The following CLYBL variants were observed in gnomAD, a reference collection of about 807,000 sequenced individuals.
CLYBL encodes citramalyl-CoA lyase, also known as citramalyl-CoA lyase, mitochondrial.
A neutral mutation model predicts 38.9 loss-of-function variants in CLYBL; 31 were observed. That is an observed-to-expected ratio of 0.80 (90% CI 0.60 to 1.08). CLYBL has a LOEUF of 1.08. Ranked by LOEUF, CLYBL falls within the 50% of genes least tolerant of loss-of-function variation. The pLI is 0.00. For synonymous variants in CLYBL, 171 were observed against 158.6 expected, an observed-to-expected ratio of 1.08 and a Z score of -0.59; for missense variants, 434 against 411.6, an observed-to-expected ratio of 1.05 and a Z score of -0.47.
intron 1 of CLYBL, among the ~76,000 whole-genome samples, chr13:99,703,277 A>T (rs1401656512): frequency 6.6e-6 from 1 of 152,090 alleles, no homozygotes; most frequent in East Asian, 1.9e-4. Flanking sequence ...AATTTAAGTG[A>T]CCATAGCTTC....
intron 1 of CLYBL, among the ~76,000 whole-genome samples, chr13:99,639,487 G>A (rs146376425): frequency 5.6e-4 from 85 of 152,290 alleles, no homozygotes; most frequent in African/African-American, 2.0e-3. Context: ...GGAGTGCTCC[G>A]ATGGTTTAGC....
chr13:99,712,512 T>C (rs1566297961), intron 1 of CLYBL, among the ~76,000 whole-genome samples: 1 of 150,580 alleles, frequency 6.6e-6, no homozygotes, highest in Admixed American at 6.7e-5. Context: ...TTTTTGTTTT[T>C]TTGAGTTTTT....
chr13:99,884,612 T>C (rs954996675), intron 7 of CLYBL, among the ~76,000 whole-genome samples: 2 of 152,248 alleles, frequency 1.3e-5, no homozygotes, highest in African/African-American at 4.8e-5. Context: ...TTCCCGCCAT[T>C]AGACTGGAAG....
intron 1 of CLYBL, among the ~76,000 whole-genome samples, chr13:99,770,870 T>C (rs747294005): frequency 6.6e-6 from 1 of 151,902 alleles, no homozygotes; most frequent in Non-Finnish European, 1.5e-5. Context: ...TACAGGTGTG[T>C]GCCACCACAC....
intron 2 of CLYBL, among the ~76,000 whole-genome samples, chr13:99,796,348 C>T (rs539061178): frequency 5.9e-5 from 9 of 152,284 alleles, no homozygotes; most frequent in African/African-American, 1.7e-4. Flanking sequence ...CAGTTCCCCA[C>T]CATAGTTCCT....
At chr13:99,724,540 A>T (rs2048441375) in intron 1 of CLYBL, among the ~76,000 whole-genome samples, 1 of 152,014 alleles carries the variant, frequency 6.6e-6, no homozygotes, top group Non-Finnish European at 1.5e-5. Context: ...AAGATGAAAA[A>T]AAAAAAAAGA....
chr13:99,654,756 A>G (rs771879125), intron 1 of CLYBL, among the ~76,000 whole-genome samples: 23 of 152,166 alleles, frequency 1.5e-4, no homozygotes, highest in Admixed American at 5.9e-4. Flanking sequence ...CTGTAATCCC[A>G]ACACTCTGGG....
intron 2 of CLYBL, among the ~76,000 whole-genome samples, chr13:99,787,908 C>A (rs963604027): frequency 2.0e-5 from 3 of 152,184 alleles, no homozygotes; most frequent in African/African-American, 7.2e-5. Flanking sequence ...TTAAAGAGGT[C>A]CTTCACTTCC....
At chr13:99,734,571 G>A (rs1425129827) in intron 1 of CLYBL, among the ~76,000 whole-genome samples, 1 of 152,076 alleles carries the variant, frequency 6.6e-6, no homozygotes, top group African/African-American at 2.4e-5. Context: ...AATAACCAGG[G>A]CCCATACACG....
chr13:99,734,579 A>C (rs1008996041), intron 1 of CLYBL, among the ~76,000 whole-genome samples: 2 of 152,162 alleles, frequency 1.3e-5, no homozygotes, highest in Non-Finnish European at 2.9e-5. Context: ...GGGCCCATAC[A>C]CGGGGCTGGG....
At chr13:99,610,931 T>C (rs2046616595) in intron 1 of CLYBL, among the ~76,000 whole-genome samples, 1 of 152,250 alleles carries the variant, frequency 6.6e-6, no homozygotes, top group African/African-American at 2.4e-5. Flanking sequence ...GGGAAAATAC[T>C]GTTCCCACTG....
chr13:99,902,132 TTATAACAG>T (rs2052650861), downstream of CLYBL, among the ~76,000 whole-genome samples: 1 of 152,208 alleles, frequency 6.6e-6, no homozygotes, highest in Non-Finnish European at 1.5e-5. Flanking sequence ...AGTGTACCTT[TTATAACAG>T]TATAAACTCA....
chr13:99,744,097 C>T (rs1176417932), intron 1 of CLYBL, among the ~76,000 whole-genome samples: 2 of 151,740 alleles, frequency 1.3e-5, no homozygotes, highest in Non-Finnish European at 1.5e-5. Context: ...CTCAGCCTCC[C>T]GAGTAGCTGG....
At chr13:99,708,388 C>T (rs529266661) in intron 1 of CLYBL, among the ~76,000 whole-genome samples, 1 of 152,260 alleles carries the variant, frequency 6.6e-6, no homozygotes, top group African/African-American at 2.4e-5. Flanking sequence ...TTCACTCACT[C>T]ACTTGGCCAT....
rs140688368 is a variant in CLYBL at position 99,744,459 on chromosome 13, G to A, written c.63-28365G>A. On this transcript the variant is annotated intron_variant, in intron 1 of 8. Transcript: ENST00000339105. ...CCTGGCAGGGGTGACCTAGTCAGAC[G>A]TAAACCATCTGGGAGCTGGCTGGTC... Among the ~76,000 whole-genome samples, 527 of 152,268 alleles carry A rather than the reference G, an allele frequency of 3.5e-3. 2 individuals are homozygous for A. Among genetic ancestry groups the A allele is most frequent in the African/African-American group, 0.012 (489 of 41,556 alleles).
chr13:99,819,190 A>T (rs1285786996), intron 2 of CLYBL, among the ~76,000 whole-genome samples: 4 of 151,498 alleles, frequency 2.6e-5, no homozygotes, highest in Middle Eastern at 3.4e-3. Flanking sequence ...AAAATTTTTT[A>T]AAAAATTAGC....
intron 1 of CLYBL, among the ~76,000 whole-genome samples, chr13:99,763,431 G>A (rs760204245): frequency 2.6e-5 from 4 of 151,756 alleles, no homozygotes; most frequent in Admixed American, 6.6e-5. Flanking sequence ...TAATCATATA[G>A]TCTTTGTTCT....
intron 1 of CLYBL, among the ~76,000 whole-genome samples, chr13:99,738,588 A>C (rs1449197161): frequency 6.6e-6 from 1 of 152,198 alleles, no homozygotes; most frequent in African/African-American, 2.4e-5. Flanking sequence ...CTTGTGCTCA[A>C]TGGTGATAAG....
chr13:99,645,217 C>A (rs1461914434), intron 1 of CLYBL, among the ~76,000 whole-genome samples: 1 of 152,178 alleles, frequency 6.6e-6, no homozygotes, highest in Non-Finnish European at 1.5e-5. Context: ...TCATTTTAGG[C>A]CGGGTGCAGT....
Sources: allele counts gnomAD v4.1 joint callset (sites outside exome capture counted in the v4.1 genomes callset), GRCh38; gene constraint gnomAD v4.1.1; transcripts MANE v1.5; gene names NCBI Gene and HGNC (gene_info 2026-07-23, HGNC 2026-07-21).